The following TTC14 variants were observed in gnomAD, a reference collection of about 807,000 sequenced individuals.
TTC14 encodes the protein tetratricopeptide repeat domain 14.
Under a neutral mutation model 79.9 loss-of-function variants are expected in TTC14, and 63 were observed. The observed-to-expected ratio is 0.79, with a 90% CI of 0.64 to 0.97. TTC14 has a LOEUF of 0.97. Ranked by LOEUF, TTC14 falls within the 50% of genes least tolerant of loss-of-function variation. The pLI is 0.00. For missense variants in TTC14, 895 were observed against 894.0 expected, an observed-to-expected ratio of 1.00 and a Z score of -0.01; for synonymous variants, 335 against 309.6, an observed-to-expected ratio of 1.08 and a Z score of -0.86.
chr3:180,610,680 T>C lies in TTC14; in HGVS notation c.*138T>C. 1.4e-6 allele frequency: 2 copies of C among 1,408,958 alleles called. No individual in the cohort carries two copies. The highest frequency in any genetic ancestry group is 1.8e-6 in the Non-Finnish European group (2 of 1,086,094). The allele number at this position is 1,408,958 out of a possible 1,614,324, so 87.3% of individuals were successfully genotyped here. ...ATTACAGGAAACAAATGCTTTTAAG[T>C]AAGTTTTTCTCAAATTTTGTTTCAG... On this transcript the variant is annotated 3_prime_UTR_variant, in exon 12 of 12. Transcript: ENST00000296015.
At chr3:180,618,243 T>C (rs1717322827), downstream of TTC14, among the ~76,000 whole-genome samples, 1 of 152,174 alleles carries the variant, frequency 6.6e-6, no homozygotes, top group South Asian at 2.1e-4. Context: ...GACTGTATAA[T>C]GGTTTTATGG....
At position 180,609,933 on chromosome 3, in the gene TTC14, GAC is replaced by G; in HGVS notation, c.1708_1709del (p.Gln570AspfsTer6). On this transcript the variant is annotated frameshift_variant, in exon 12 of 12. Transcript: ENST00000296015. LOFTEE classifies it high-confidence loss of function. ...AGCAGGATAGGTTACAGTATGAAAA[GAC>G]ACAGATAAAAGAGAAAGATAGATGC... is the stretch of plus-strand genomic sequence containing the variant. Reference protein sequence around the residue: ...GKQDRLQYEKTQIKEKDRCPL... With the variant: ...GKQDRLQYEKXQIKEKDRCPL... The G allele has an allele frequency of 6.2e-7, 1 of 1,614,022 alleles. No homozygotes were observed.
chr3:180,608,717 G>C lies in TTC14; in HGVS notation c.1307G>C (p.Arg436Thr). The C allele has an allele frequency of 6.5e-7, 1 of 1,535,536 alleles. No individual in the cohort carries two copies. Reference sequence around the variant, plus strand: ...TTCTAAAAGAAATCTTTGGAATTAAGAGAAAAACAAGCTGAAAAGGAAGAA... The same window carrying C: ...TTCTAAAAGAAATCTTTGGAATTAACAGAAAAACAAGCTGAAAAGGAAGAA... Reference protein sequence around the residue: ...HKYMQKSLELREKQAEKEEKQ... With the variant: ...HKYMQKSLELTEKQAEKEEKQ... Residue 436 changes from arginine (R) to threonine (T), a missense_variant, in exon 11 of 12, where the codon AGA becomes ACA. Arg to Thr is a moderately conservative substitution (Grantham distance 71). Transcript: ENST00000296015.
rs1379530470 is a variant in TTC14 at position 180,610,879 on chromosome 3, T to C, written c.*337T>C. On this transcript the variant is annotated 3_prime_UTR_variant, in exon 12 of 12. Transcript: ENST00000296015. ...CCTGGGTGCATCTTATTCTGCTGTT[T>C]GAGAGAAAAATTTGTGCATTGAACA... 9 of 988,844 alleles carry C rather than the reference T, an allele frequency of 9.1e-6. No homozygotes were observed. Among genetic ancestry groups the C allele is most frequent in the Middle Eastern group, 5.1e-4 (1 of 1,960 alleles). The allele number at this position is 988,844 out of a possible 1,614,324, so 61.3% of individuals were successfully genotyped here.
chr3:180,606,222 G>A (rs1212810362), intron 7 of TTC14, 31 bp from the exon 8 acceptor site: 3 of 1,611,674 alleles, frequency 1.9e-6, no homozygotes, highest in Non-Finnish European at 2.5e-6. Context: ...TGTTTGAAGT[G>A]TTTGTGATGC....
In TTC14 at chr3:180,609,814, G is replaced by C. The variant is rs371954199; in HGVS notation, c.1585G>C (p.Asp529His). Reference protein sequence around the residue: ...HSSRASSNQIDQNRKDECYPV... With the variant: ...HSSRASSNQIHQNRKDECYPV... The stretch of plus-strand genomic sequence containing the variant: ...ATCTAGGGCATCCTCAAATCAGATA[G>C]ATCAGAATAGGAAAGATGAGTGCTA... Residue 529 changes from aspartate (D) to histidine (H), a missense_variant, in exon 12 of 12, where the codon GAT (aspartate) becomes CAT (histidine). Asp to His is a moderately conservative substitution (Grantham distance 81). Transcript: ENST00000296015. The C allele has an allele frequency of 6.2e-7, 1 of 1,613,728 alleles. No homozygotes were observed. The highest frequency in any genetic ancestry group is 8.5e-7 in the Non-Finnish European group (1 of 1,179,876).
At position 180,608,824 on chromosome 3, in the gene TTC14, T is replaced by G. The variant is rs774873749; in HGVS notation, c.1400+14T>G. The G allele has an allele frequency of 6.8e-7, 1 of 1,474,642 alleles. No individual in the cohort carries two copies. The highest frequency in any genetic ancestry group is 2.9e-5 in the Admixed American group (1 of 34,792). 91.3% of individuals were successfully genotyped at this position (1,474,642 alleles called of 1,614,324 possible). On this transcript the variant is annotated intron_variant, in intron 11 of 11. Coordinates refer to ENST00000296015, the MANE Select transcript of TTC14 (RefSeq NM_133462.4). Reference sequence around the variant, plus strand: ...AGAAGAGAAGAGGTAAACTATAATATTCAGTATTTTTAAACTTAAGGCAAC... The same window carrying G: ...AGAAGAGAAGAGGTAAACTATAATAGTCAGTATTTTTAAACTTAAGGCAAC...
In TTC14 at chr3:180,606,694, T is replaced by C. The variant is rs147586126; in HGVS notation, c.1172+91T>C. On this transcript the variant is annotated intron_variant, in intron 9 of 11. Coordinates refer to ENST00000296015, the MANE Select transcript of TTC14 (RefSeq NM_133462.4). ...CTTAAGGAAATAGTTTCTTAAGCACTTAATTTATAACACTCTTGGTTTCAA... is the reference window on the plus strand; with the variant it reads ...CTTAAGGAAATAGTTTCTTAAGCACCTAATTTATAACACTCTTGGTTTCAA... The C allele has an allele frequency of 1.1e-3, 1,587 of 1,406,964 alleles. 14 individuals are homozygous for C. In the African/African-American group the frequency reaches 0.021, roughly 18 times the overall value. 87.2% of individuals were successfully genotyped at this position (1,406,964 alleles called of 1,614,324 possible).
intron 10 of TTC14, chr3:180,608,049 G>T: frequency 9.1e-7 from 1 of 1,101,430 alleles, no homozygotes; most frequent in Non-Finnish European, 1.1e-6. Context: ...TTAAATTATT[G>T]TTGCTACTAT....
downstream of TTC14, among the ~76,000 whole-genome samples, chr3:180,611,871 G>T (rs978233717): frequency 6.6e-6 from 1 of 152,178 alleles, no homozygotes; most frequent in African/African-American, 2.4e-5. Flanking sequence ...CTGTCTTGCA[G>T]TTCTTGCCAA....
Position 180,609,889 on chromosome 3 carries a change from G to A in TTC14, c.1660G>A (p.Val554Met), listed in dbSNP as rs1396711952. Residue 554 changes from valine to methionine, a missense_variant, in exon 12 of 12, where the codon GTG becomes ATG. By Grantham distance (21) the Val-to-Met change is conservative (BLOSUM62 1). Coordinates refer to ENST00000296015, the MANE Select transcript of TTC14 (RefSeq NM_133462.4). ...ATCTTTTCTTAACCATAAACAAGAAGTGGAGAAACTACTGGGGAAGCAGGA... is the reference window on the plus strand; with the variant it reads ...ATCTTTTCTTAACCATAAACAAGAAATGGAGAAACTACTGGGGAAGCAGGA... ...SASFLNHKQE[V>M]EKLLGKQDRL... 28 of 1,613,824 alleles carry A rather than the reference G, an allele frequency of 1.7e-5. No homozygotes were observed. The highest frequency in any genetic ancestry group is 4.5e-5 in the East Asian group (2 of 44,868).
chr3:180,607,346 T>A (rs932921734), intron 9 of TTC14, among the ~76,000 whole-genome samples: 1 of 152,150 alleles, frequency 6.6e-6, no homozygotes, highest in African/African-American at 2.4e-5. Flanking sequence ...GCTGGTATAA[T>A]TCTGTGCTAA....
chr3:180,610,130 G>A lies in TTC14; in HGVS notation c.1901G>A (p.Cys634Tyr). 6.2e-7 allele frequency: 1 copy of A among 1,612,904 alleles called. No individual in the cohort carries two copies. Among genetic ancestry groups the A allele is most frequent in the Non-Finnish European group, 8.5e-7 (1 of 1,179,650 alleles). The change falls in exon 12 of 12, where the codon TGT becomes TAT. Residue 634 changes from cysteine (C) to tyrosine (Y), a missense_variant. Cys to Tyr is a radical substitution (Grantham distance 194, BLOSUM62 -2). Transcript: ENST00000296015. Reference protein sequence around the residue: ...SSRRNSSDSFCRNSEDKIYGY... With the variant: ...SSRRNSSDSFYRNSEDKIYGY... ...AGAAGAAATTCCTCAGATTCCTTCT[G>A]TAGGAATTCAGAGGACAAGATTTAT...
Position 180,611,129 on chromosome 3 carries a change from C to T in TTC14, c.*587C>T, listed in dbSNP as rs1716980155. 1.0e-6 allele frequency: 1 copy of T among 985,296 alleles called. No homozygotes were observed. Among genetic ancestry groups the T allele is most frequent in the African/African-American group, 1.7e-5 (1 of 57,338 alleles). The allele number at this position is 985,296 out of a possible 1,614,324, so 61.0% of individuals were successfully genotyped here. On this transcript the variant is annotated 3_prime_UTR_variant, in exon 12 of 12. Transcript: ENST00000296015. ...TGATTAAAAGTGGTTTGTGAACAGT[C>T]ATTGGCTTCCACCCAGCATAAGTGC...
At chr3:180,615,962 G>C (rs1260096447), downstream of TTC14, among the ~76,000 whole-genome samples, 1 of 152,100 alleles carries the variant, frequency 6.6e-6, no homozygotes, top group Non-Finnish European at 1.5e-5. Context: ...CCCCCAACTT[G>C]GGGGTTCACC....
rs548168301 is a variant in TTC14, at chr3:180,603,143, A to G, written c.306A>G (p.Pro102=). ...TTTTAGATCATTATGCAATCATGCC[A>G]CCTTTAGAGCAATTCATGGAGATAC... ...EDSEDHYAIM[P]PLEQFMEIPS... is the part of the protein sequence containing the mutation. The change falls in exon 3 of 12, where the codon CCA becomes CCG. Residue 102 remains proline, a synonymous_variant. Transcript: ENST00000296015. The G allele has an allele frequency of 6.2e-7, 1 of 1,613,436 alleles. No individual in the cohort carries two copies. The highest frequency in any genetic ancestry group is 1.3e-5 in the African/African-American group (1 of 74,962).
exon 13 of TTC14, chr3:180,617,497 C>A: frequency 1.5e-6 from 1 of 673,812 alleles, no homozygotes. Flanking sequence ...GTTACTGACC[C>A]TGAAGACCTT....
intron 10 of TTC14, 139 bp from the exon 11 acceptor site, chr3:180,608,562 A>G (rs1372956047): frequency 7.8e-7 from 1 of 1,274,094 alleles, no homozygotes; most frequent in Non-Finnish European, 1.0e-6. Context: ...TGTTAAAAAA[A>G]TACTGTTTAA....
intron 9 of TTC14, 43 bp from the exon 10 acceptor site, chr3:180,607,605 T>C: frequency 1.9e-6 from 3 of 1,580,312 alleles, no homozygotes; most frequent in Non-Finnish European, 1.7e-6. Context: ...TTGGATAGTT[T>C]TGTTGTTTTT....
Sources: allele counts gnomAD v4.1 joint callset (sites outside exome capture counted in the v4.1 genomes callset), GRCh38; gene constraint gnomAD v4.1.1; transcripts MANE v1.5; gene names NCBI Gene and HGNC (gene_info 2026-07-23, HGNC 2026-07-21).